The following ASS1 variants were observed in gnomAD, a reference collection of about 807,000 sequenced individuals.
The protein encoded by ASS1 is argininosuccinate synthase.
A neutral mutation model predicts 60.5 loss-of-function variants in ASS1; 58 were observed. The ratio of observed to expected loss-of-function variants is 0.96; its 90% CI spans 0.78 to 1.19. The LOEUF is 1.19. ASS1 is among the 50% of genes most tolerant of loss of function. The pLI, the probability that ASS1 is intolerant of heterozygous loss-of-function variation, is 0.00. For missense variants in ASS1, 454 were observed against 547.3 expected (o/e 0.83, Z 1.70); for synonymous variants, 200 against 206.9 (o/e 0.97, Z 0.29).
chr9:130,501,252 G>A lies in ASS1; in HGVS notation c.*231G>A, dbSNP rs1564166392. 5 of 542,368 alleles carry A rather than the reference G, an allele frequency of 9.2e-6. 1 individual carries two copies. The East Asian group carries it at 1.6e-4, about 18-fold the overall frequency. The allele number at this position is 542,368 out of a possible 1,614,324, so 33.6% of individuals were successfully genotyped here. On this transcript the variant is annotated 3_prime_UTR_variant, in exon 15 of 15. Transcript: ENST00000352480. The stretch of plus-strand genomic sequence containing the variant: ...GGAGCTATAAAAATGACAATTAAAA[G>A]AGACACTAGTCTTTTATTTCTAGTG...
chr9:130,490,245 C>T (rs1383170956), intron 12 of ASS1, among the ~76,000 whole-genome samples: 3 of 152,278 alleles, frequency 2.0e-5, no homozygotes, highest in Admixed American at 2.0e-4. Flanking sequence ...TGGGTCAAAT[C>T]CAGCCCGTCA....
intron 5 of ASS1, among the ~76,000 whole-genome samples, chr9:130,465,056 A>ATATATATATTTTTTTTTTTTTTTTTT (rs1479147331): frequency 2.5e-5 from 3 of 120,150 alleles, no homozygotes; most frequent in African/African-American, 1.1e-4. Flanking sequence ...ATATATATAT[A>ATATATATATTTTTTTTTTTTTTTTTT]TTTTTTTTTT....
chr9:130,451,865 C>G (rs1316756457), intron 1 of ASS1: 2 of 485,194 alleles, frequency 4.1e-6, no homozygotes, highest in Non-Finnish European at 8.1e-6. Context: ...CCTCCCACAT[C>G]TCCTGCCTGC....
chr9:130,464,377 C>T (rs1845676142), intron 5 of ASS1, among the ~76,000 whole-genome samples: 2 of 152,330 alleles, frequency 1.3e-5, no homozygotes, highest in South Asian at 4.1e-4. Context: ...ATTCATTCTT[C>T]CCGGAGAGGC....
chr9:130,460,665 G>A (rs1215983), intron 4 of ASS1, among the ~76,000 whole-genome samples: 98,385 of 152,018 alleles, frequency 0.65, 34,743 homozygotes, highest in East Asian at 0.97. Context: ...TATTGCTGTG[G>A]GGGAGGCAAT....
rs536608498 is a variant in ASS1 at position 130,488,044 on chromosome 9, C to T, written c.839-1289C>T. Among the ~76,000 whole-genome samples, 8 of 152,240 alleles carry T rather than the reference C, an allele frequency of 5.3e-5. No individual in the cohort carries two copies. In the South Asian group the frequency reaches 1.7e-3, roughly 32 times the overall value. On this transcript the variant is annotated intron_variant, in intron 11 of 14. Transcript: ENST00000352480. This position sits in a 1 kb window ranked among gnomAD's most constrained non-coding sequence, Gnocchi z 5.2. ...TGCTAGAATTATTACAGTCATGAGC[C>T]ACTGTGCCCGGCCCCCTTCCTTCTT...
chr9:130,456,232 G>A (rs1845446177), intron 3 of ASS1, among the ~76,000 whole-genome samples: 1 of 152,232 alleles, frequency 6.6e-6, no homozygotes, highest in Non-Finnish European at 1.5e-5. Context: ...TTGGCAGGCT[G>A]AGGCAGGCAG....
chr9:130,470,940 G>C lies in ASS1; in HGVS notation c.566+36G>C. 1 of 1,608,830 alleles carries C rather than the reference G, an allele frequency of 6.2e-7. No homozygotes were observed. Among genetic ancestry groups the C allele is most frequent in the Non-Finnish European group, 8.5e-7 (1 of 1,175,596 alleles). On this transcript the variant is annotated intron_variant, in intron 7 of 14. Transcript: ENST00000352480. This position sits in a 1 kb window ranked among gnomAD's most constrained non-coding sequence, Gnocchi z 4.3. ...CCCTCCACCCATCCTTGGTCCTCCC[G>C]GGCTCATTCCAAAGGACGGCCACGC...
intron 3 of ASS1, among the ~76,000 whole-genome samples, chr9:130,456,523 A>G (rs562542354): frequency 6.6e-6 from 1 of 152,350 alleles, no homozygotes; most frequent in South Asian, 2.1e-4. Flanking sequence ...AATGTTTTTT[A>G]TATATCCTTA....
In ASS1 at chr9:130,477,247, C is replaced by T. The variant is rs944659482; in HGVS notation, c.688+286C>T. On this transcript the variant is annotated intron_variant, in intron 9 of 14. Transcript: ENST00000352480. This position sits in a 1 kb window ranked among gnomAD's most constrained non-coding sequence, Gnocchi z 4.2. Reference sequence around the variant, plus strand: ...GAGCGCTCTAGTCCCTGAACAGCCACTCAACTTTCCTGGGCCTCAGTTTCC... The same window carrying T: ...GAGCGCTCTAGTCCCTGAACAGCCATTCAACTTTCCTGGGCCTCAGTTTCC... 1.3e-5 allele frequency among the ~76,000 whole-genome samples: 2 copies of T among 152,212 alleles called. No homozygotes were observed. Among genetic ancestry groups the T allele is most frequent in the South Asian group, 2.1e-4 (1 of 4,826 alleles).
intron 7 of ASS1, 105 bp downstream of exon 7, chr9:130,471,009 G>A (rs776436226): frequency 3.7e-6 from 5 of 1,336,544 alleles, no homozygotes; most frequent in East Asian, 4.6e-5. Flanking sequence ...AGTGGTCCCT[G>A]CCCTCGGGGA....
chr9:130,451,876 G>A (rs185541151), intron 1 of ASS1: 6 of 494,570 alleles, frequency 1.2e-5, no homozygotes, highest in African/African-American at 7.7e-5. Context: ...TCCTGCCTGC[G>A]TGCATTCCTC....
In ASS1 at chr9:130,476,862, T is replaced by C; in HGVS notation, c.598-9T>C. 1 of 1,613,038 alleles carries C rather than the reference T, an allele frequency of 6.2e-7. No individual in the cohort carries two copies. Among genetic ancestry groups the C allele is most frequent in the East Asian group, 2.2e-5 (1 of 44,872 alleles). On this transcript the variant is annotated splice_polypyrimidine_tract_variant and intron_variant, in intron 8 of 14. Transcript: ENST00000352480. This position sits in a 1 kb window ranked among gnomAD's most constrained non-coding sequence, Gnocchi z 4.9. ...TGTCATCTGCCCACCACTTTCTGTC[T>C]TTTTTCAGAACCAAGCGCCTCCAGG...
intron 9 of ASS1, among the ~76,000 whole-genome samples, chr9:130,479,265 C>T (rs879796709): frequency 7.2e-5 from 11 of 151,992 alleles, no homozygotes; most frequent in Non-Finnish European, 1.5e-4. Flanking sequence ...GTCCGCCTGA[C>T]AGACGTGGCA....
At chr9:130,447,033 C>A (rs11244382) in intron 1 of ASS1, among the ~76,000 whole-genome samples, 4,662 of 152,312 alleles carry the variant, frequency 0.031, 101 homozygotes, top group Admixed American at 0.04. Flanking sequence ...AAACCGAGCT[C>A]AGCTGAGTTA....
intron 11 of ASS1, among the ~76,000 whole-genome samples, chr9:130,485,173 T>C (rs948409342): frequency 9.2e-5 from 14 of 152,170 alleles, no homozygotes; most frequent in African/African-American, 3.4e-4. Context: ...GAACCCCACC[T>C]GCGCCCTCCC....
At chr9:130,486,468 C>T (rs1564159063) in intron 11 of ASS1, among the ~76,000 whole-genome samples, 1 of 152,186 alleles carries the variant, frequency 6.6e-6, no homozygotes, top group Non-Finnish European at 1.5e-5. Context: ...TTTCTGCTGC[C>T]ATCAGCCTTT....
In ASS1 at chr9:130,494,142, C is replaced by A. The variant is rs958650610; in HGVS notation, c.971-725C>A. Among the ~76,000 whole-genome samples the A allele has an allele frequency of 1.3e-5, 2 of 152,168 alleles. No individual in the cohort carries two copies. The highest frequency in any genetic ancestry group is 4.8e-5 in the African/African-American group (2 of 41,438). On this transcript the variant is annotated intron_variant, in intron 12 of 14. Transcript: ENST00000352480. This position sits in a 1 kb window ranked among gnomAD's most constrained non-coding sequence, Gnocchi z 4.3. ...TGTCTATGAGGATTCAGGGAGCTAG[C>A]CCAGATCAAAGCCTGAGCGCAGTGC...
chr9:130,470,996 AC>A lies in ASS1; in HGVS notation c.566+94del. 7.1e-7 allele frequency: 1 copy of A among 1,410,414 alleles called. No individual in the cohort carries two copies. The highest frequency in any genetic ancestry group is 1.0e-6 in the Non-Finnish European group (1 of 997,860). The allele number at this position is 1,410,414 out of a possible 1,614,324, so 87.4% of individuals were successfully genotyped here. Reference sequence around the variant, plus strand: ...CCCAGGACGTCCTGGTGACCCCCACACCAGTGGTCCCTGCCCTCGGGGAGCT... The same window carrying A: ...CCCAGGACGTCCTGGTGACCCCCACACAGTGGTCCCTGCCCTCGGGGAGCT... On this transcript the variant is annotated intron_variant, in intron 7 of 14. Transcript: ENST00000352480. This position sits in a 1 kb window ranked among gnomAD's most constrained non-coding sequence, Gnocchi z 4.3.
Sources: allele counts gnomAD v4.1 joint callset (sites outside exome capture counted in the v4.1 genomes callset), GRCh38; gene constraint gnomAD v4.1.1; non-coding constraint Gnocchi (gnomAD v3.1); transcripts MANE v1.5; gene names NCBI Gene and HGNC (gene_info 2026-07-23, HGNC 2026-07-21).